Variants in RGS9 observed in about 807,000 individuals in gnomAD.
The protein encoded by RGS9 is regulator of G-protein signalling 9.
In RGS9, 78 loss-of-function variants were observed where a neutral mutation model predicts 102.0. The observed-to-expected ratio is 0.76, with a 90% CI of 0.64 to 0.92. The LOEUF is 0.92. Ranked by LOEUF, RGS9 falls within the 40% of genes least tolerant of loss-of-function variation. The pLI is 0.00. For synonymous variants in RGS9, 353 were observed against 318.6 expected, an observed-to-expected ratio of 1.11 and a Z score of -1.15; for missense variants, 833 against 866.1, an observed-to-expected ratio of 0.96 and a Z score of 0.48.
In RGS9 at chr17:65,225,147, G is replaced by C; in HGVS notation, c.1553G>C (p.Ser518Thr). The change falls in exon 18 of 19, where the codon AGC becomes ACC. Residue 518 changes from serine (S) to threonine (T), a missense_variant. Ser to Thr is a moderately conservative substitution (Grantham distance 58, BLOSUM62 1). This residue lies in a region of RGS9 where 320 missense variants were observed against 276.8 expected (regional missense o/e 1.16). Coordinates refer to ENST00000262406, the MANE Select transcript of RGS9 (RefSeq NM_003835.4). ...CCCAGCCGCTTCATCCGGCGACCCA[G>C]CACCACCATCTGCCCCTCACCCATC... is the stretch of plus-strand genomic sequence containing the variant. Reference protein sequence around the residue: ...ASPSRFIRRPSTTICPSPIRV... With the variant: ...ASPSRFIRRPTTTICPSPIRV... The C allele has an allele frequency of 6.2e-7, 1 of 1,613,680 alleles. No homozygotes were observed. The highest frequency in any genetic ancestry group is 1.7e-5 in the Admixed American group (1 of 60,034).
Position 65,227,425 on chromosome 17 carries a change from G to A in RGS9, c.*18G>A. The A allele has an allele frequency of 6.2e-7, 1 of 1,608,468 alleles. No homozygotes were observed. Among genetic ancestry groups the A allele is most frequent in the Non-Finnish European group, 8.5e-7 (1 of 1,177,204 alleles). On this transcript the variant is annotated 3_prime_UTR_variant, in exon 19 of 19. Coordinates refer to ENST00000262406, the MANE Select transcript of RGS9 (RefSeq NM_003835.4). ...GCCTGTAAGGAAAGAGGCAGGCTGA[G>A]CTGGGGGCTCTGGACCAGGAAGATG... is the stretch of plus-strand genomic sequence containing the variant.
chr17:65,162,389 A>C (rs1012228644), intron 6 of RGS9, among the ~76,000 whole-genome samples: 2 of 152,146 alleles, frequency 1.3e-5, no homozygotes, highest in African/African-American at 4.8e-5. Context: ...CTCAAAAAAA[A>C]AATTGATTTT....
rs751755360 is a variant in RGS9 at position 65,210,650 on chromosome 17, G to T, written c.1407+45G>T. ...GCAGGAGCCAACTCCAAAAAGAGCT[G>T]CCTCCTAAATAAATCTGTGATTCCT... On this transcript the variant is annotated intron_variant, in intron 17 of 18. Coordinates refer to ENST00000262406, the MANE Select transcript of RGS9 (RefSeq NM_003835.4). The T allele has an allele frequency of 5.0e-6, 8 of 1,610,304 alleles. No homozygotes were observed. In the East Asian group the frequency reaches 8.9e-5, roughly 18 times the overall value.
rs1910950200 is a variant in RGS9 at position 65,160,727 on chromosome 17, G to A, written c.365-124G>A. 1.5e-5 allele frequency: 21 copies of A among 1,384,466 alleles called. 1 individual carries two copies. The highest frequency in any genetic ancestry group is 4.7e-5 in the South Asian group (4 of 84,488). 85.8% of individuals were successfully genotyped at this position (1,384,466 alleles called of 1,614,324 possible). A position where few individuals can be genotyped will look rare whatever the true frequency, so the allele number is the denominator to read the frequency against. ...ATCTGTACTGGGCATGTCCCCAGGG[G>A]CAAGGGGCTGGGTGTGCTGAGCGTT... On this transcript the variant is annotated intron_variant, in intron 5 of 18. Transcript: ENST00000262406.
intron 1 of RGS9, among the ~76,000 whole-genome samples, chr17:65,147,936 C>T (rs957785445): frequency 6.7e-5 from 10 of 148,796 alleles, no homozygotes; most frequent in East Asian, 2.0e-4. Context: ...ACATCTCACA[C>T]GAGATCTACC....
chr17:65,156,365 C>T (rs1254288216), intron 2 of RGS9, among the ~76,000 whole-genome samples: 3 of 152,236 alleles, frequency 2.0e-5, no homozygotes, highest in Non-Finnish European at 2.9e-5. Flanking sequence ...GCACCAGCTG[C>T]TTTCCTTCCC....
intron 11 of RGS9, among the ~76,000 whole-genome samples, chr17:65,192,793 G>A (rs1394166781): frequency 2.0e-5 from 3 of 152,068 alleles, no homozygotes; most frequent in African/African-American, 7.2e-5. Context: ...ATGGGCCTAA[G>A]TTTCCAAACC....
At chr17:65,142,846 T>C (rs1910210074) in intron 1 of RGS9, among the ~76,000 whole-genome samples, 1 of 152,162 alleles carries the variant, frequency 6.6e-6, no homozygotes, top group African/African-American at 2.4e-5. Context: ...CCTCCTAAAG[T>C]GCTGGGATTG....
intron 17 of RGS9, among the ~76,000 whole-genome samples, chr17:65,213,051 A>G (rs994049481): frequency 9.2e-5 from 14 of 152,220 alleles, no homozygotes; most frequent in Admixed American, 9.2e-4. Context: ...AGCACTAGTC[A>G]TGTAGCCTTG....
chr17:65,220,918 G>T (rs1913684574), intron 17 of RGS9, among the ~76,000 whole-genome samples: 1 of 152,150 alleles, frequency 6.6e-6, no homozygotes, highest in African/African-American at 2.4e-5. Context: ...CTGTGTCTCT[G>T]TGGTGTCACA....
chr17:65,198,443 A>T (rs1170492489), intron 13 of RGS9, among the ~76,000 whole-genome samples: 1 of 152,088 alleles, frequency 6.6e-6, no homozygotes, highest in African/African-American at 2.4e-5. Flanking sequence ...TTTAGTAGAG[A>T]CAGGGTTTCG....
intron 17 of RGS9, among the ~76,000 whole-genome samples, chr17:65,220,919 T>C (rs567476702): frequency 6.6e-6 from 1 of 152,206 alleles, no homozygotes; most frequent in Non-Finnish European, 1.5e-5. Context: ...TGTGTCTCTG[T>C]GGTGTCACAT....
rs567985346 is a variant in RGS9, at chr17:65,227,346, C to T, written c.1964C>T (p.Thr655Ile). The T allele has an allele frequency of 5.0e-5, 80 of 1,614,080 alleles. No individual in the cohort carries two copies. The highest frequency in any genetic ancestry group is 6.7e-5 in the Admixed American group (4 of 60,004). ...TTGATGGACTCGGAGGATGCTGGAA[C>T]AGGAGAGTCGGGTGACCGGGCCACA... ...TCLMDSEDAG[T>I]GESGDRATEK... Residue 655 changes from threonine (T) to isoleucine (I), a missense_variant, in exon 19 of 19, where the codon ACA (threonine) becomes ATA (isoleucine). Thr to Ile is a moderately conservative substitution (Grantham distance 89, BLOSUM62 -1). This residue lies in a region of RGS9 where 320 missense variants were observed against 276.8 expected (regional missense o/e 1.16). Coordinates refer to ENST00000262406, the MANE Select transcript of RGS9 (RefSeq NM_003835.4).
chr17:65,138,959 CCACCCCTCCTCCACCCCAGCA>C (rs1910019752), intron 1 of RGS9, among the ~76,000 whole-genome samples: 2 of 145,880 alleles, frequency 1.4e-5, no homozygotes, highest in African/African-American at 2.6e-5. Context: ...TCCTCCCCAG[CCACCCCTCCTCCACCCCAGCA>C]TCCCCTCCTC....
rs1218551389 is a variant in RGS9 at position 65,168,249 on chromosome 17, G to A, written c.550G>A (p.Glu184Lys). Residue 184 changes from glutamate (E) to lysine (K), a missense_variant, in exon 8 of 19, where the codon GAG becomes AAG. This residue lies in a region of RGS9 where 328 missense variants were observed against 340.6 expected (regional missense o/e 0.96). Coordinates refer to ENST00000262406, the MANE Select transcript of RGS9 (RefSeq NM_003835.4). Reference sequence around the variant, plus strand: ...AGACAGATATGCCCTGGACTGCCAGGAGAAGGCATACTGGCTGGTGCACCG... The same window carrying A: ...AGACAGATATGCCCTGGACTGCCAGAAGAAGGCATACTGGCTGGTGCACCG... ...KADRYALDCQ[E>K]KAYWLVHRCP... The A allele has an allele frequency of 1.9e-6, 3 of 1,611,638 alleles. No homozygotes were observed. The highest frequency in any genetic ancestry group is 2.5e-6 in the Non-Finnish European group (3 of 1,179,078).
At chr17:65,169,636 A>G (rs2144018457) in intron 8 of RGS9, among the ~76,000 whole-genome samples, 1 of 152,368 alleles carries the variant, frequency 6.6e-6, no homozygotes, top group East Asian at 1.9e-4. Flanking sequence ...GCGAATGCCT[A>G]TGTGACTACA....
chr17:65,141,563 C>T (rs1260933330), intron 1 of RGS9, among the ~76,000 whole-genome samples: 1 of 152,194 alleles, frequency 6.6e-6, no homozygotes, highest in Admixed American at 6.5e-5. Context: ...TAATTGGGTA[C>T]TTATGGGCTA....
chr17:65,165,444 C>T (rs4129026), intron 7 of RGS9, among the ~76,000 whole-genome samples: 3,218 of 152,094 alleles, frequency 0.021, 126 homozygotes, highest in African/African-American at 0.074. Context: ...CAGCACAAAA[C>T]GTGGTTGACC....
At chr17:65,168,659 C>T (rs1347679949) in intron 8 of RGS9, among the ~76,000 whole-genome samples, 1 of 151,440 alleles carries the variant, frequency 6.6e-6, no homozygotes, top group African/African-American at 2.4e-5. Context: ...AATAGAGTCC[C>T]GTGAGAATGG....
Sources: allele counts gnomAD v4.1 joint callset (sites outside exome capture counted in the v4.1 genomes callset), GRCh38; gene constraint gnomAD v4.1.1; regional missense constraint gnomAD v4.1.1; transcripts MANE v1.5; gene names NCBI Gene and HGNC (gene_info 2026-07-23, HGNC 2026-07-21).